MCF2L: variants seen among roughly 807,000 people sequenced by gnomAD.
MCF2L encodes MCF.2 cell line derived transforming sequence like, also known as guanine nucleotide exchange factor DBS.
MCF2L carries 97 observed loss-of-function variants against 153.4 expected under a neutral mutation model. The observed-to-expected ratio is 0.63, with a 90% CI of 0.54 to 0.75. The LOEUF is 0.75. Ranked by LOEUF, MCF2L falls within the 30% of genes least tolerant of loss-of-function variation. MCF2L has a pLI of 0.00. For missense variants in MCF2L, 1,347 were observed against 1,495.2 expected, an observed-to-expected ratio of 0.90 and a Z score of 1.64; for synonymous variants, 659 against 632.2, an observed-to-expected ratio of 1.04 and a Z score of -0.64.
Position 113,027,360 on chromosome 13 carries a change from C to T in MCF2L, c.278+2602C>T, listed in dbSNP as rs192488286. On this transcript the variant is annotated intron_variant, in intron 3 of 29. Transcript: ENST00000535094. This position sits in a 1 kb window ranked among gnomAD's most constrained non-coding sequence, Gnocchi z 4.8. ...GCGGTGGGCACCTCTGTCCACTTGG[C>T]GGGTTGAGGTGGGAGCTGGAGGAGC... is the stretch of plus-strand genomic sequence containing the variant. 2.3e-3 allele frequency among the ~76,000 whole-genome samples: 349 copies of T among 151,842 alleles called. 1 individual carries two copies. Among genetic ancestry groups the T allele is most frequent in the African/African-American group, 8.3e-3 (342 of 41,378 alleles).
At chr13:113,018,414 G>A (rs1353197820) in intron 2 of MCF2L, among the ~76,000 whole-genome samples, 1 of 152,158 alleles carries the variant, frequency 6.6e-6, no homozygotes, top group South Asian at 2.1e-4. Flanking sequence ...CAAGGAATTG[G>A]GTGTAAAATC....
chr13:112,916,306 C>T (rs998273894), intron 2 of MCF2L, among the ~76,000 whole-genome samples: 1 of 151,788 alleles, frequency 6.6e-6, no homozygotes, highest in Non-Finnish European at 1.5e-5. Context: ...TGCTTTTGTT[C>T]CCAGAAGCCA....
chr13:113,031,236 GAGAC>G lies in MCF2L; in HGVS notation c.278+6482_278+6485del, dbSNP rs67050717. On this transcript the variant is annotated intron_variant, in intron 3 of 29. Transcript: ENST00000535094. The surrounding 1 kb of genome is among the most constrained non-coding windows in gnomAD (Gnocchi z 5.5). ...CAGAGACAGAGAGAGACAGAGAGAAGAGACAGAGAGTGACAGAGATAGAGACAGA... is the reference window on the plus strand; with the variant it reads ...CAGAGACAGAGAGAGACAGAGAGAAGAGAGAGTGACAGAGATAGAGACAGA... Among the ~76,000 whole-genome samples the G allele has an allele frequency of 0.24, 35,186 of 148,684 alleles. 4,499 individuals carry two copies. The highest frequency in any genetic ancestry group is 0.51 in the East Asian group (2,447 of 4,832).
intron 8 of MCF2L, among the ~76,000 whole-genome samples, chr13:113,067,161 G>T (rs2032503847): frequency 6.6e-6 from 1 of 152,278 alleles, no homozygotes; most frequent in African/African-American, 2.4e-5. Context: ...GCCTGGCAGG[G>T]TGGGCGTGGG....
intron 13 of MCF2L, 23 bp downstream of exon 13, chr13:113,077,234 C>T (rs1488448528): frequency 6.6e-7 from 1 of 1,519,570 alleles, no homozygotes; most frequent in Non-Finnish European, 8.9e-7. Context: ...GCCCGGTGCC[C>T]CGGGTGCTGT....
rs9577436 is a variant in MCF2L, at chr13:113,046,739, G to T, written c.369+1378G>T. On this transcript the variant is annotated intron_variant, in intron 4 of 29. Coordinates refer to ENST00000535094, the MANE Select transcript of MCF2L (RefSeq NM_001112732.3). This position sits in a 1 kb window ranked among gnomAD's most constrained non-coding sequence, Gnocchi z 4.4. ...CCACGGCACCTCTCTGCCCCTCGCC[G>T]CGGCGGATCCCCGTTCCTGACCCTG... 7 of 478,844 alleles carry T rather than the reference G, an allele frequency of 1.5e-5. No homozygotes were observed. Among genetic ancestry groups the T allele is most frequent in the Non-Finnish European group, 2.6e-5 (6 of 233,196 alleles). 29.7% of individuals were successfully genotyped at this position (478,844 alleles called of 1,614,324 possible).
intron 2 of MCF2L, among the ~76,000 whole-genome samples, chr13:112,955,659 A>G (rs1254603142): frequency 6.6e-6 from 1 of 152,154 alleles, no homozygotes; most frequent in Non-Finnish European, 1.5e-5. Flanking sequence ...CCAAACTCTG[A>G]ACCCCTTTGC....
chr13:112,996,108 G>A (rs373446677), intron 1 of MCF2L, among the ~76,000 whole-genome samples: 92 of 152,252 alleles, frequency 6.0e-4, no homozygotes, highest in African/African-American at 2.1e-3. Context: ...AGTCTCCAAG[G>A]CTGGGCTAGC....
chr13:113,007,401 G>A lies in MCF2L; in HGVS notation c.80-7362G>A, dbSNP rs533851147. Among the ~76,000 whole-genome samples the A allele has an allele frequency of 2.2e-3, 330 of 152,346 alleles. 1 individual carries two copies. Among genetic ancestry groups the A allele is most frequent in the African/African-American group, 7.7e-3 (319 of 41,578 alleles). ...TCTAACCCCTGACCCCAGCGTCCGT[G>A]TCACCTGGGAGCCTCACCTTGAGAC... On this transcript the variant is annotated intron_variant, in intron 1 of 29. Coordinates refer to ENST00000535094, the MANE Select transcript of MCF2L (RefSeq NM_001112732.3).
intron 5 of MCF2L, among the ~76,000 whole-genome samples, chr13:113,063,473 C>T (rs1291489756): frequency 1.1e-4 from 17 of 148,694 alleles, no homozygotes; most frequent in African/African-American, 2.8e-4. Flanking sequence ...CCGCCCACAG[C>T]GTTCAGGCGT....
intron 2 of MCF2L, among the ~76,000 whole-genome samples, chr13:113,020,311 C>T (rs562923029): frequency 3.3e-5 from 5 of 152,320 alleles, no homozygotes; most frequent in Middle Eastern, 3.4e-3. Flanking sequence ...AGATGCATCA[C>T]GTCCGTGGAG....
rs1380702228 is a variant in MCF2L at position 113,078,732 on chromosome 13, C to T, written c.1801C>T (p.Leu601=). The T allele has an allele frequency of 1.9e-6, 3 of 1,601,632 alleles. No homozygotes were observed. In the East Asian group the frequency reaches 6.7e-5, roughly 36 times the overall value. The change falls in exon 15 of 30, where the codon CTG becomes TTG. Residue 601 remains leucine (L), a synonymous_variant. Coordinates refer to ENST00000535094, the MANE Select transcript of MCF2L (RefSeq NM_001112732.3). Reference sequence around the variant, plus strand: ...GGAGGAGGAGGAAAGCCTGGCCATCCTGCGCAGGTGGGTGCGCTGCCCTTC... The same window carrying T: ...GGAGGAGGAGGAAAGCCTGGCCATCTTGCGCAGGTGGGTGCGCTGCCCTTC... The part of the protein sequence containing the change: ...AGEEEESLAI[L]RRHVMSELLD...
In MCF2L at chr13:113,074,219, G is replaced by A. The variant is rs2033200706; in HGVS notation, c.997-225G>A. Among the ~76,000 whole-genome samples the A allele has an allele frequency of 6.6e-6, 1 of 152,224 alleles. No individual in the cohort carries two copies. The highest frequency in any genetic ancestry group is 2.4e-5 in the African/African-American group (1 of 41,464). ...ACAGAGAAACAATTGTTCTGCCAGT[G>A]AGGTCACTGGTGGGTAGCGTCGACC... On this transcript the variant is annotated intron_variant, in intron 9 of 29. Transcript: ENST00000535094. The surrounding 1 kb of genome is among the most constrained non-coding windows in gnomAD (Gnocchi z 4.2).
At position 112,996,537 on chromosome 13, in the gene MCF2L, G is replaced by A. The variant is rs111804586; in HGVS notation, c.80-18226G>A. Among the ~76,000 whole-genome samples the A allele has an allele frequency of 8.5e-3, 1,296 of 152,304 alleles. 11 individuals carry two copies. Among genetic ancestry groups the A allele is most frequent in the Non-Finnish European group, 0.014 (950 of 68,020 alleles). On this transcript the variant is annotated intron_variant, in intron 1 of 29. Coordinates refer to ENST00000535094, the MANE Select transcript of MCF2L (RefSeq NM_001112732.3). ...GCAAATGTTTCCCACCATGTGGAAC[G>A]TCTGTTGGGGAAATGGTGTTCCAGA...
chr13:113,079,891 G>T (rs1453347540), intron 15 of MCF2L, among the ~76,000 whole-genome samples: 4 of 152,172 alleles, frequency 2.6e-5, no homozygotes, highest in African/African-American at 9.7e-5. Flanking sequence ...ACAGAGGAGG[G>T]TCCAGGCAGG....
At chr13:113,062,521 C>T (rs918755653) in intron 5 of MCF2L, among the ~76,000 whole-genome samples, 60 of 152,038 alleles carry the variant, frequency 3.9e-4, no homozygotes, top group African/African-American at 1.2e-3. Flanking sequence ...ACCGACCTCA[C>T]GGGTCATCCA....
intron 1 of MCF2L, among the ~76,000 whole-genome samples, chr13:112,985,898 G>C (rs137961536): frequency 3.3e-5 from 5 of 152,262 alleles, no homozygotes; most frequent in Admixed American, 6.5e-5. Flanking sequence ...TGGGACACCC[G>C]GTGACGTGCC....
chr13:113,028,364 G>C lies in MCF2L; in HGVS notation c.278+3606G>C, dbSNP rs770485095. ...CATGTGTGCACGCCTCTGTTTATCC[G>C]ATGTTCTGGAACCTTCCATGGCCTC... On this transcript the variant is annotated intron_variant, in intron 3 of 29. Coordinates refer to ENST00000535094, the MANE Select transcript of MCF2L (RefSeq NM_001112732.3). The surrounding 1 kb of genome is among the most constrained non-coding windows in gnomAD (Gnocchi z 5.4). Among the ~76,000 whole-genome samples, 1 of 152,188 alleles carries C rather than the reference G, an allele frequency of 6.6e-6. No individual in the cohort carries two copies. Among genetic ancestry groups the C allele is most frequent in the African/African-American group, 2.4e-5 (1 of 41,454 alleles).
chr13:113,065,994 TGCGCTGTG>T lies in MCF2L; in HGVS notation c.757-51_757-44del, dbSNP rs1280798826. On this transcript the variant is annotated intron_variant, in intron 7 of 29. Coordinates refer to ENST00000535094, the MANE Select transcript of MCF2L (RefSeq NM_001112732.3). ...GCCCCACGAGGCCTCACCACCAGCC[TGCGCTGTG>T]TGCCTGGACGGGGCCGGGACATGAG... 9 of 1,589,346 alleles carry T rather than the reference TGCGCTGTG, an allele frequency of 5.7e-6. No homozygotes were observed. In the African/African-American group the frequency reaches 8.0e-5, roughly 14 times the overall value.
Sources: gnomAD v4.1 joint callset for allele counts (sites outside exome capture counted in the v4.1 genomes callset) on GRCh38, gnomAD v4.1.1 for gene constraint, Gnocchi (gnomAD v3.1) non-coding constraint, MANE v1.5 for transcripts, NCBI Gene and HGNC (gene_info 2026-07-23, HGNC 2026-07-21) for gene names.